Variants in ANO7 observed in about 807,000 individuals in gnomAD.
The protein encoded by ANO7 is anoctamin-7.
In ANO7, 114 loss-of-function variants were observed where a neutral mutation model predicts 115.8. The ratio of observed to expected loss-of-function variants is 0.98; its 90% CI spans 0.85 to 1.15. The LOEUF (loss-of-function observed/expected upper bound fraction) is 1.15. Ranked by LOEUF, ANO7 falls within the 50% of genes most tolerant of loss-of-function variation. The probability of loss-of-function intolerance (pLI) is 0.00; values close to 1 mark genes in which losing one functional copy is unlikely to be tolerated. For synonymous variants in ANO7, 550 were observed against 498.2 expected (o/e 1.10, Z -1.38); for missense variants, 1,302 against 1,201.2 (o/e 1.08, Z -1.24).
the ANO7 span, chr2:241,235,145 C>T: frequency 1.2e-6 from 2 of 1,613,884 alleles, no homozygotes; most frequent in Non-Finnish European, 1.7e-6. Flanking sequence ...CGGCCTGTAG[C>T]TCCTTCACAC....
intron 15 of ANO7, 141 bp downstream of exon 15, chr2:241,210,711 A>C: frequency 1.3e-6 from 1 of 757,598 alleles, no homozygotes. Context: ...ACAGGATCTC[A>C]CTCTGTTGCC....
intron 2 of ANO7, 78 bp from the exon 3 acceptor site, chr2:241,191,116 A>C: frequency 7.2e-7 from 1 of 1,397,598 alleles, no homozygotes; most frequent in South Asian, 1.2e-5. Flanking sequence ...GGACGGCTTC[A>C]GGGTGGGGCG....
intron 16 of ANO7, 63 bp from the exon 17 acceptor site, chr2:241,212,509 C>G: frequency 6.4e-7 from 1 of 1,554,296 alleles, no homozygotes. Flanking sequence ...CCTCCAGAGC[C>G]CAGGGAAGTG....
Position 241,214,860 on chromosome 2 carries a change from T to A in ANO7, c.1784T>A (p.Val595Glu). The A allele has an allele frequency of 1.9e-6, 3 of 1,612,828 alleles. No individual in the cohort carries two copies. The highest frequency in any genetic ancestry group is 2.5e-6 in the Non-Finnish European group (3 of 1,179,912). Residue 595 changes from valine (V) to glutamate (E), a missense_variant, in exon 18 of 25, where the codon GTG (valine) becomes GAG (glutamate). Transcript: ENST00000674324. Reference protein sequence around the residue: ...ELAQELLVIMVGKQVINNMQE... With the variant: ...ELAQELLVIMEGKQVINNMQE... ...GCACAGGAGCTCCTGGTCATCATGGTGGGCAAGCAGGTCATCAACAACATG... is the reference window on the plus strand; with the variant it reads ...GCACAGGAGCTCCTGGTCATCATGGAGGGCAAGCAGGTCATCAACAACATG...
the ANO7 span, chr2:241,239,901 C>T: frequency 2.5e-6 from 4 of 1,613,904 alleles, no homozygotes. The surrounding 1 kb of genome is among the most constrained non-coding windows in gnomAD (Gnocchi z 4.6). Flanking sequence ...CGCTCCCTAC[C>T]AGGTTTTGGA....
intron 11 of ANO7, among the ~76,000 whole-genome samples, chr2:241,208,620 G>A (rs2068641640): frequency 6.6e-6 from 1 of 152,154 alleles, no homozygotes. Context: ...ACTCACTACA[G>A]GTCATCCTCT....
chr2:241,216,471 G>T (rs1191766016), intron 19 of ANO7, among the ~76,000 whole-genome samples: 2 of 152,376 alleles, frequency 1.3e-5, no homozygotes, highest in Middle Eastern at 3.4e-3. Context: ...CCGGCACGGG[G>T]AGGAGGCCCC....
chr2:241,201,350 C>G lies in ANO7; in HGVS notation c.607C>G (p.Gln203Glu). 6.2e-7 allele frequency: 1 copy of G among 1,612,292 alleles called. No homozygotes were observed. The highest frequency in any genetic ancestry group is 8.5e-7 in the Non-Finnish European group (1 of 1,179,364). ...CTTCTTCACAAGCACCAAGAGGCAC[C>G]AAATTGTGAGTGGGGGTTCCCTGCC... ...DTFFTSTKRH[Q>E]ILFEILAKTP... Residue 203 changes from glutamine (Q) to glutamate (E), a missense_variant, in exon 7 of 25, where the codon CAA becomes GAA. Transcript: ENST00000674324.
Position 241,195,848 on chromosome 2 carries a change from AC to A in ANO7, c.309+4del, listed in dbSNP as rs1405754598. 3.1e-6 allele frequency: 5 copies of A among 1,614,072 alleles called. No individual in the cohort carries two copies. Among genetic ancestry groups the A allele is most frequent in the Non-Finnish European group, 4.2e-6 (5 of 1,180,022 alleles). ...CGGCTGGGCTGTGTGTAGACCAGGT[AC>A]GTGGAGGCTGTCATGGGCAGGGCCC... On this transcript the variant is annotated splice_donor_region_variant and intron_variant, in intron 4 of 24. Transcript: ENST00000674324.
rs897042661 is a variant in ANO7 at position 241,195,863 on chromosome 2, T to C, written c.309+18T>C. The C allele has an allele frequency of 1.4e-5, 22 of 1,613,870 alleles. No homozygotes were observed. Among genetic ancestry groups the C allele is most frequent in the Non-Finnish European group, 1.8e-5 (21 of 1,179,932 alleles). ...TAGACCAGGTACGTGGAGGCTGTCA[T>C]GGGCAGGGCCCTAGGCCCTGCATCC... On this transcript the variant is annotated intron_variant, in intron 4 of 24. Transcript: ENST00000674324.
chr2:241,204,457 G>T (rs1015823130), intron 9 of ANO7, among the ~76,000 whole-genome samples: 4 of 152,076 alleles, frequency 2.6e-5, no homozygotes, highest in Non-Finnish European at 5.9e-5. Flanking sequence ...GGAGGTACCC[G>T]GAATGACTCG....
downstream of ANO7, chr2:241,227,840 G>A (rs1354667323): frequency 3.3e-5 from 5 of 152,136 alleles, no homozygotes; most frequent in East Asian, 1.9e-4. Flanking sequence ...GGCCTCCCCC[G>A]TGGAGGTGGA....
At chr2:241,234,042 A>G in the ANO7 span, 2 of 1,522,138 alleles carry the variant, frequency 1.3e-6, no homozygotes, top group Non-Finnish European at 1.8e-6. Context: ...CACCCTGGTC[A>G]TAGGACACTG....
At chr2:241,211,996 C>T in intron 15 of ANO7, 98 bp from the exon 16 acceptor site, 1 of 816,862 alleles carries the variant, frequency 1.2e-6, no homozygotes, top group Non-Finnish European at 2.1e-6. Context: ...ATGGCCTTTT[C>T]CTCACCCGTG....
chr2:241,216,325 A>T, intron 19 of ANO7, 87 bp downstream of exon 19: 5 of 1,412,964 alleles, frequency 3.5e-6, no homozygotes, highest in Non-Finnish European at 3.7e-6. Flanking sequence ...CCAGCCTGAC[A>T]TTCCTGTGTC....
At chr2:241,230,672 G>A (rs1172561434), downstream of ANO7, 4 of 1,150,756 alleles carry the variant, frequency 3.5e-6, no homozygotes, top group Non-Finnish European at 3.8e-6. This position sits in a 1 kb window ranked among gnomAD's most constrained non-coding sequence, Gnocchi z 5.0. Context: ...ATCTTGAGGG[G>A]AAGGCCATGC....
chr2:241,216,260 C>A, intron 19 of ANO7, 22 bp downstream of exon 19: 1 of 1,560,428 alleles, frequency 6.4e-7, no homozygotes, highest in Non-Finnish European at 8.7e-7. Flanking sequence ...TTAGCAGCTG[C>A]GGCAATGGCT....
rs1465661605 is a variant in ANO7, at chr2:241,212,583, A to G, written c.1685A>G (p.Tyr562Cys). Residue 562 changes from tyrosine (Y) to cysteine (C), a missense_variant, in exon 17 of 25, where the codon TAC (tyrosine) becomes TGC (cysteine). Transcript: ENST00000674324. ...TGACTTTCTCCTAGGTTTGTGGGAT[A>G]CCCAGGCAACTACCACACCTTGTTT... ...IAFFKGRFVG[Y>C]PGNYHTLFGV... is the part of the protein sequence containing the mutation. The G allele has an allele frequency of 6.2e-7, 1 of 1,613,344 alleles. No individual in the cohort carries two copies. Among genetic ancestry groups the G allele is most frequent in the Non-Finnish European group, 8.5e-7 (1 of 1,179,726 alleles).
At chr2:241,237,225 G>A in the ANO7 span, among the ~76,000 whole-genome samples, 2 of 152,212 alleles carry the variant, frequency 1.3e-5, no homozygotes, top group Non-Finnish European at 2.9e-5. Context: ...CAGTGGGAAG[G>A]GGGGTGAGAG....
Sources: allele counts gnomAD v4.1 joint callset (sites outside exome capture counted in the v4.1 genomes callset), GRCh38; gene constraint gnomAD v4.1.1; non-coding constraint Gnocchi (gnomAD v3.1); transcripts MANE v1.5; gene names NCBI Gene and HGNC (gene_info 2026-07-23, HGNC 2026-07-21).